The following GART variants were observed in gnomAD, a reference collection of about 807,000 sequenced individuals.
GART encodes trifunctional purine biosynthetic protein adenosine-3.
A neutral mutation model predicts 107.2 loss-of-function variants in GART; 43 were observed. That is an observed-to-expected ratio of 0.40 (90% confidence interval 0.31 to 0.52). The LOEUF is 0.52. GART is among the 20% of genes least tolerant of loss of function. The pLI is 0.52. For missense variants in GART, 1,107 were observed against 1,206.5 expected (o/e 0.92, Z 1.22); for synonymous variants, 434 against 427.0 (o/e 1.02, Z -0.20).
chr21:33,522,929 C>T (rs2084999015), intron 11 of GART, among the ~76,000 whole-genome samples: 2 of 152,124 alleles, frequency 1.3e-5, no homozygotes, highest in South Asian at 2.1e-4. Flanking sequence ...TTGTAAAAAC[C>T]GTACACAAGT....
chr21:33,540,732 C>G (rs1199426614), intron 1 of GART, among the ~76,000 whole-genome samples: 1 of 152,164 alleles, frequency 6.6e-6, no homozygotes, highest in Non-Finnish European at 1.5e-5. Context: ...AAATTGAAAA[C>G]TTATTTTGAT....
intron 13 of GART, 98 bp downstream of exon 13, chr21:33,520,807 CT>C: frequency 2.2e-6 from 2 of 914,394 alleles, no homozygotes; most frequent in Non-Finnish European, 1.7e-6. Context: ...TGGCATGGTC[CT>C]TTTTAGCTCA....
chr21:33,505,923 T>C, intron 19 of GART, 51 bp downstream of exon 19: 1 of 1,605,502 alleles, frequency 6.2e-7, no homozygotes, highest in Non-Finnish European at 8.5e-7. Context: ...TGAGGGCAGA[T>C]TACGAGCTTA....
At chr21:33,524,602 G>C in intron 11 of GART, 167 bp downstream of exon 11, 1 of 886,712 alleles carries the variant, frequency 1.1e-6, no homozygotes, top group Non-Finnish European at 1.5e-6. Flanking sequence ...TTCCATTTGA[G>C]TATTGCTATA....
chr21:33,533,680 G>A (rs1259618494), intron 4 of GART, among the ~76,000 whole-genome samples: 3 of 151,976 alleles, frequency 2.0e-5, no homozygotes, highest in African/African-American at 4.8e-5. Context: ...AGAGAGAGGC[G>A]GATCTCTTGA....
At chr21:33,512,289 G>GAAAAAAAAAAAAAAAAAAAAAAAAAAA (rs563178142) in intron 16 of GART, among the ~76,000 whole-genome samples, 1 of 65,446 alleles carries the variant, frequency 1.5e-5, no homozygotes, top group African/African-American at 6.2e-5. Context: ...GACTCAAATT[G>GAAAAAAAAAAAAAAAAAAAAAAAAAAA]AAAAAAAAAA....
chr21:33,532,545 A>G (rs1429978904), intron 4 of GART, 89 bp from the exon 5 acceptor site: 1 of 910,102 alleles, frequency 1.1e-6, no homozygotes, highest in Non-Finnish European at 1.7e-6. Context: ...GATATGCTAT[A>G]GCAATGACTG....
intron 4 of GART, 85 bp from the exon 5 acceptor site, chr21:33,532,541 C>G (rs1166031749): frequency 8.4e-6 from 8 of 953,174 alleles, no homozygotes; most frequent in Non-Finnish European, 1.2e-5. Flanking sequence ...TAACGATATG[C>G]TATAGCAATG....
At chr21:33,519,552 T>TA (rs559509642) in intron 14 of GART, among the ~76,000 whole-genome samples, 2,418 of 123,306 alleles carry the variant, frequency 0.02, 50 homozygotes, top group African/African-American at 0.056. Context: ...AGACTCTGTT[T>TA]AAAAAAAAAA....
intron 7 of GART, chr21:33,529,760 A>G (rs375102566): frequency 1.3e-5 from 2 of 154,880 alleles, no homozygotes; most frequent in East Asian, 3.9e-4. Flanking sequence ...CGCCTGGCCT[A>G]TTTTTAATCT....
chr21:33,515,674 A>C (rs1399690438), intron 16 of GART, among the ~76,000 whole-genome samples: 5 of 150,450 alleles, frequency 3.3e-5, no homozygotes, highest in Admixed American at 6.7e-5. Flanking sequence ...AAAAAAAAAA[A>C]ACGAAAAACA....
At chr21:33,529,182 C>G (rs1438027324) in intron 7 of GART, among the ~76,000 whole-genome samples, 1 of 152,078 alleles carries the variant, frequency 6.6e-6, no homozygotes, top group Non-Finnish European at 1.5e-5. Context: ...AAATAACTTC[C>G]CGAAACGTAA....
chr21:33,525,480 G>C (rs2085056009), intron 10 of GART, among the ~76,000 whole-genome samples: 1 of 152,196 alleles, frequency 6.6e-6, no homozygotes, highest in Admixed American at 6.5e-5. Context: ...CTGTTGCCAA[G>C]CTAGTAGTGG....
chr21:33,513,993 T>C (rs2084834557), intron 16 of GART, among the ~76,000 whole-genome samples: 2 of 152,142 alleles, frequency 1.3e-5, no homozygotes, highest in Non-Finnish European at 2.9e-5. Context: ...TGGCCAGGTG[T>C]GGTAGCTCAT....
At chr21:33,530,588 GAA>G in intron 7 of GART, 169 bp downstream of exon 7, 1 of 611,938 alleles carries the variant, frequency 1.6e-6, no homozygotes, top group Non-Finnish European at 2.4e-6. Context: ...AGGCTTTTAG[GAA>G]AAGTTAGTTT....
chr21:33,513,095 GTGTGTGTC>G (rs1355322269), intron 16 of GART, among the ~76,000 whole-genome samples: 1 of 122,902 alleles, frequency 8.1e-6, no homozygotes, highest in Non-Finnish European at 1.7e-5. Context: ...GTGTGTGTGT[GTGTGTGTC>G]TCTGTGTGTG....
At chr21:33,522,072 C>T in intron 12 of GART, 116 bp downstream of exon 12, 1 of 731,590 alleles carries the variant, frequency 1.4e-6, no homozygotes. Context: ...TTAAGCAGGG[C>T]AAAACTTACA....
At position 33,517,544 on chromosome 21, in the gene GART, G is replaced by A. The variant is rs374385313; in HGVS notation, c.1767C>T (p.Ala589=). 14 of 1,613,992 alleles carry A rather than the reference G, an allele frequency of 8.7e-6. No individual in the cohort carries two copies. In the African/African-American group the frequency reaches 1.2e-4, roughly 14 times the overall value. ...PPGEYDLAGF[A]VGAMERDQKL... ...TCTGATCTCGCTCCATGGCACCAAC[G>A]GCAAACCCAGCTAGGTCATACTCTC... The change falls in exon 15 of 22, where the codon GCC becomes GCT. Residue 589 remains alanine, a synonymous_variant. Coordinates refer to ENST00000381815, the MANE Select transcript of GART (RefSeq NM_000819.5).
chr21:33,537,537 AAC>A (rs1459212702), intron 2 of GART, among the ~76,000 whole-genome samples: 12 of 152,232 alleles, frequency 7.9e-5, no homozygotes, highest in Non-Finnish European at 2.9e-5. Context: ...AGTAAAAATA[AAC>A]ACAGACATTC....
Sources: allele counts gnomAD v4.1 joint callset (sites outside exome capture counted in the v4.1 genomes callset), GRCh38; gene constraint gnomAD v4.1.1; transcripts MANE v1.5; gene names NCBI Gene and HGNC (gene_info 2026-07-23, HGNC 2026-07-21).